UBA52: variants seen among roughly 807,000 people sequenced by gnomAD.
UBA52 encodes the protein ubiquitin A-52 residue ribosomal protein fusion product 1.
UBA52 carries 1 observed loss-of-function variant against 15.3 expected under a neutral mutation model. The observed-to-expected ratio is 0.07, with a 90% CI of 0.02 to 0.31. The LOEUF is 0.31. Among genes scored for constraint, UBA52 ranks in the 10% least tolerant of loss-of-function variants. The pLI, the probability that UBA52 is intolerant of heterozygous loss-of-function variation, is 1.00. For missense variants in UBA52, 87 were observed against 168.0 expected (o/e 0.52, Z 2.66); for synonymous variants, 50 against 58.3 (o/e 0.86, Z 0.65).
At chr19:18,573,784 A>T in intron 3 of UBA52, 36 bp downstream of exon 3, 1 of 1,597,250 alleles carries the variant, frequency 6.3e-7, no homozygotes, top group Non-Finnish European at 8.6e-7. Context: ...GGGACCCAAG[A>T]TCCCCAGGTC....
rs1033451762 is a variant in UBA52, at chr19:18,577,472, C to T, written c.*2322C>T. 6 of 152,128 alleles carry T rather than the reference C, an allele frequency of 3.9e-5. No homozygotes were observed. The highest frequency in any genetic ancestry group is 3.3e-4 in the Admixed American group (5 of 15,268). 9.4% of individuals were successfully genotyped at this position (152,128 alleles called of 1,614,324 possible). On this transcript the variant is annotated 3_prime_UTR_variant, in exon 5 of 5. Coordinates refer to ENST00000442744, the MANE Select transcript of UBA52 (RefSeq NM_001033930.3). ...ACAGCTGCTGCTCACTCTCCTGGTC[C>T]GTGGACTCTTTTTGAACTGTTAACA...
At chr19:18,565,276 C>T in the UBA52 span, 1 of 1,064,710 alleles carries the variant, frequency 9.4e-7, no homozygotes, top group East Asian at 2.8e-5. Context: ...GTTGCCCAGG[C>T]TGGAGTGCAG....
chr19:18,572,787 C>A (rs1234903726), intron 1 of UBA52: 9 of 1,001,768 alleles, frequency 9.0e-6, no homozygotes, highest in Non-Finnish European at 1.1e-5. Flanking sequence ...TTGGGTGCTC[C>A]AGCTTGGAGT....
At chr19:18,573,037 T>C in intron 1 of UBA52, 1 of 1,322,666 alleles carries the variant, frequency 7.6e-7, no homozygotes, top group South Asian at 1.6e-5. Flanking sequence ...TCTGTGTTCC[T>C]GAAGAGCACC....
At chr19:18,571,973 G>C (rs1056107556) in intron 1 of UBA52, 64 bp downstream of exon 1, 1 of 152,512 alleles carries the variant, frequency 6.6e-6, no homozygotes, top group African/African-American at 2.4e-5. Context: ...GGCGGCAGAA[G>C]AGGCGGCCCT....
upstream of UBA52, chr19:18,569,316 C>T (rs1422633560): frequency 2.6e-5 from 4 of 152,496 alleles, no homozygotes; most frequent in South Asian, 4.2e-4. Context: ...TTTTTGTACC[C>T]GATGTTTACA....
Position 18,575,246 on chromosome 19 carries a change from T to C in UBA52, c.*96T>C. On this transcript the variant is annotated 3_prime_UTR_variant, in exon 5 of 5. Transcript: ENST00000442744. ...TTTCATTGACTGGAGCAGCAATTGG[T>C]GTCCTCATGGCTGATCTGTCCAGGG... is the stretch of plus-strand genomic sequence containing the variant. 8 of 1,447,072 alleles carry C rather than the reference T, an allele frequency of 5.5e-6. No homozygotes were observed. Among genetic ancestry groups the C allele is most frequent in the Non-Finnish European group, 7.6e-6 (8 of 1,049,070 alleles). 89.6% of individuals were successfully genotyped at this position (1,447,072 alleles called of 1,614,324 possible).
chr19:18,568,041 G>A (rs1975339608), upstream of UBA52, among the ~76,000 whole-genome samples: 1 of 152,190 alleles, frequency 6.6e-6, no homozygotes, highest in Non-Finnish European at 1.5e-5. Context: ...GCTGAGGCGG[G>A]TGGATCACCT....
At chr19:18,573,889 G>T (rs528860923) in intron 3 of UBA52, 141 bp downstream of exon 3, 203 of 798,668 alleles carry the variant, frequency 2.5e-4, no homozygotes, top group Admixed American at 6.2e-4. Context: ...AGTGGCTCAT[G>T]CCTGTAATCC....
At chr19:18,572,947 G>C in intron 1 of UBA52, 1 of 1,128,832 alleles carries the variant, frequency 8.9e-7, no homozygotes, top group Non-Finnish European at 1.1e-6. Context: ...GATCTAGCAA[G>C]ATGATGCCAA....
At chr19:18,573,007 C>T (rs1975581831) in intron 1 of UBA52, 6 of 1,261,662 alleles carry the variant, frequency 4.8e-6, no homozygotes, top group Non-Finnish European at 6.1e-6. Flanking sequence ...CGCCGCTAAA[C>T]CTAAGGAGAA....
chr19:18,565,144 G>T, the UBA52 span: 2 of 1,486,936 alleles, frequency 1.3e-6, no homozygotes, highest in African/African-American at 1.4e-5. Context: ...GCTTCACTGC[G>T]CACTTAAGTG....
rs1975733923 is a variant in UBA52, at chr19:18,575,256, G to A, written c.*106G>A. ...TGGAGCAGCAATTGGTGTCCTCATG[G>A]CTGATCTGTCCAGGGAGGTGGCTGA... On this transcript the variant is annotated 3_prime_UTR_variant, in exon 5 of 5. Coordinates refer to ENST00000442744, the MANE Select transcript of UBA52 (RefSeq NM_001033930.3). The A allele has an allele frequency of 1.5e-6, 2 of 1,375,774 alleles. No individual in the cohort carries two copies. Among genetic ancestry groups the A allele is most frequent in the African/African-American group, 2.9e-5 (2 of 69,624 alleles). 85.2% of individuals were successfully genotyped at this position (1,375,774 alleles called of 1,614,324 possible). A position where few individuals can be genotyped will look rare whatever the true frequency, so the allele number is the denominator to read the frequency against.
upstream of UBA52, chr19:18,568,372 A>G (rs958255618): frequency 5.7e-6 from 9 of 1,574,724 alleles, no homozygotes; most frequent in Non-Finnish European, 7.0e-6. Context: ...GCAAGGTGAC[A>G]AAACCAACTC....
In UBA52 at chr19:18,574,981, G is replaced by T; in HGVS notation, c.293+9G>T. On this transcript the variant is annotated intron_variant, in intron 4 of 4. Coordinates refer to ENST00000442744, the MANE Select transcript of UBA52 (RefSeq NM_001033930.3). ...AAGATGATCTGCCGCAAGTATGTGT[G>T]CTCCGATGCTTGGGGGGCTGTGGGG... The T allele has an allele frequency of 1.9e-6, 3 of 1,614,168 alleles. No individual in the cohort carries two copies. The highest frequency in any genetic ancestry group is 2.5e-6 in the Non-Finnish European group (3 of 1,180,040).
upstream of UBA52, chr19:18,568,507 C>A (rs1216737563): frequency 6.2e-7 from 1 of 1,614,002 alleles, no homozygotes; most frequent in Admixed American, 1.7e-5. Flanking sequence ...TCATGTGACA[C>A]CAGCCCCGAC....
chr19:18,566,412 C>T, the UBA52 span, among the ~76,000 whole-genome samples: 4 of 85,278 alleles, frequency 4.7e-5, no homozygotes, highest in South Asian at 3.3e-4. Flanking sequence ...GCCGAGATCG[C>T]GCCACTGCAC....
upstream of UBA52, among the ~76,000 whole-genome samples, chr19:18,566,890 G>A (rs548243084): frequency 5.9e-5 from 9 of 152,338 alleles, no homozygotes; most frequent in South Asian, 1.0e-3. Context: ...AGCACCCAGA[G>A]TCTAACTAGT....
intron 2 of UBA52, 71 bp downstream of exon 2, chr19:18,573,474 C>T (rs748421968): frequency 4.3e-6 from 6 of 1,407,302 alleles, no homozygotes; most frequent in Non-Finnish European, 6.0e-6. Flanking sequence ...GAGTCTCAGT[C>T]CTGTGTGGGT....
Sources: gnomAD v4.1 joint callset for allele counts (sites outside exome capture counted in the v4.1 genomes callset) on GRCh38, gnomAD v4.1.1 for gene constraint, MANE v1.5 for transcripts, NCBI Gene and HGNC (gene_info 2026-07-23, HGNC 2026-07-21) for gene names.